Variants in SPAG9 observed in about 807,000 individuals in gnomAD.
SPAG9 encodes sperm associated antigen 9.
SPAG9 carries 35 observed loss-of-function variants against 166.5 expected under a neutral mutation model. The observed-to-expected ratio is 0.21, with a 90% CI of 0.16 to 0.28. SPAG9 has a LOEUF of 0.28. Among genes scored for constraint, SPAG9 ranks in the 10% least tolerant of loss-of-function variants. SPAG9 has a pLI of 1.00. For missense variants in SPAG9, 1,235 were observed against 1,603.3 expected, an observed-to-expected ratio of 0.77 and a Z score of 3.92; for synonymous variants, 534 against 565.5, an observed-to-expected ratio of 0.94 and a Z score of 0.79.
intron 9 of SPAG9, chr17:51,007,751 T>C (rs2045287268): frequency 4.9e-6 from 2 of 406,736 alleles, no homozygotes; most frequent in East Asian, 7.1e-5. Context: ...TCGTAGGCTT[T>C]TGCCTAAAAA....
At chr17:50,968,624 G>T (rs1380700022) in intron 29 of SPAG9, among the ~76,000 whole-genome samples, 1 of 152,040 alleles carries the variant, frequency 6.6e-6, no homozygotes, top group Non-Finnish European at 1.5e-5. Context: ...CCAGCTACTC[G>T]GGAGGCTGAG....
In SPAG9 at chr17:51,100,690, C is replaced by T. The variant is rs144935439; in HGVS notation, c.303+19664G>A. Among the ~76,000 whole-genome samples the T allele has an allele frequency of 2.6e-3, 392 of 152,148 alleles. 2 individuals carry two copies. Among genetic ancestry groups the T allele is most frequent in the African/African-American group, 9.2e-3 (380 of 41,526 alleles). ...AATCTGGTACTTTGGGACGCCAAGG[C>T]GGGAGGATCAACTGAGGTTGGGAGT... On this transcript the variant is annotated intron_variant, in intron 1 of 29. Coordinates refer to ENST00000262013, the MANE Select transcript of SPAG9 (RefSeq NM_001130528.3).
At chr17:51,047,906 T>C (rs1360420243) in intron 3 of SPAG9, among the ~76,000 whole-genome samples, 1 of 152,082 alleles carries the variant, frequency 6.6e-6, no homozygotes, top group African/African-American at 2.4e-5. Flanking sequence ...GAAGAAACCA[T>C]ATCCTTATGT....
rs753864280 is a variant in SPAG9, at chr17:50,987,153, A to G, written c.2898T>C (p.Ser966=). ...CAAGCCACATAGTTGGTAAAAGACT[A>G]CTCATTTTCTGGGCTTCTTCTCTCA... is the stretch of plus-strand genomic sequence containing the variant. The part of the protein sequence containing the change: ...DLVREEAQKM[S]SLLPTMWLGA... Residue 966 remains serine, a synonymous_variant, in exon 22 of 30, where the codon AGT becomes AGC. Transcript: ENST00000262013. The G allele has an allele frequency of 6.2e-7, 1 of 1,612,912 alleles. No individual in the cohort carries two copies. Among genetic ancestry groups the G allele is most frequent in the East Asian group, 2.2e-5 (1 of 44,708 alleles).
At chr17:51,087,919 A>G (rs1347159824) in intron 1 of SPAG9, among the ~76,000 whole-genome samples, 2 of 151,626 alleles carry the variant, frequency 1.3e-5, no homozygotes, top group Non-Finnish European at 2.9e-5. Flanking sequence ...TTTATTTCTT[A>G]TTTTTAGTAG....
chr17:51,042,556 G>T (rs1365774775), intron 4 of SPAG9: 7 of 152,144 alleles, frequency 4.6e-5, no homozygotes, highest in Non-Finnish European at 1.0e-4. Context: ...ACCTCTACTG[G>T]TAAGAATGTA....
chr17:51,061,446 C>G (rs1330731189), intron 2 of SPAG9, among the ~76,000 whole-genome samples: 3 of 151,798 alleles, frequency 2.0e-5, no homozygotes, highest in African/African-American at 7.3e-5. Flanking sequence ...AACCCCTCTA[C>G]TAATACTACA....
At chr17:51,050,922 C>G (rs552645737) in intron 3 of SPAG9, among the ~76,000 whole-genome samples, 7 of 129,426 alleles carry the variant, frequency 5.4e-5, no homozygotes, top group African/African-American at 2.1e-4. Context: ...CAGCAATAAA[C>G]AACTGAAGAG....
At chr17:50,985,652 C>A in intron 23 of SPAG9, 46 bp downstream of exon 23, 3 of 1,096,266 alleles carry the variant, frequency 2.7e-6, no homozygotes, top group East Asian at 2.5e-5. Flanking sequence ...TAGTTTATAC[C>A]AAAATGCATA....
chr17:51,105,870 AAAAAAGAG>A (rs1238627559), intron 1 of SPAG9, among the ~76,000 whole-genome samples: 4 of 151,926 alleles, frequency 2.6e-5, no homozygotes, highest in Admixed American at 2.0e-4. Flanking sequence ...CTGTCTCAAA[AAAAAAGAG>A]AAAAAGAAAA....
intron 6 of SPAG9, among the ~76,000 whole-genome samples, chr17:51,022,156 G>A (rs1460910676): frequency 6.6e-6 from 1 of 151,314 alleles, no homozygotes; most frequent in South Asian, 2.1e-4. Context: ...GGGAGAGGGG[G>A]CAGATTCCAG....
chr17:51,074,434 C>G (rs1276771241), intron 2 of SPAG9, among the ~76,000 whole-genome samples: 1 of 152,056 alleles, frequency 6.6e-6, no homozygotes, highest in African/African-American at 2.4e-5. Context: ...TAACTCAGTT[C>G]ATAGAAAAAA....
At position 51,005,240 on chromosome 17, in the gene SPAG9, G is replaced by C. The variant is rs770915392; in HGVS notation, c.1448C>G (p.Ala483Gly). ...ATCGTCATCTTTTGCTTTTTGCCTT[G>C]CATCTTCAGCTTCTGCCCGAGCTCT... is the stretch of plus-strand genomic sequence containing the variant. ...LRKARAEAED[A>G]RQKAKDDDDS... The change falls in exon 12 of 30, where the codon GCA (alanine) becomes GGA (glycine). Residue 483 changes from alanine (A) to glycine (G), a missense_variant. Physicochemically the swap from Ala to Gly is moderately conservative, Grantham distance 60. This residue lies in a region of SPAG9 where 125 missense variants were observed against 194.0 expected (regional missense o/e 0.64). Coordinates refer to ENST00000262013, the MANE Select transcript of SPAG9 (RefSeq NM_001130528.3). The C allele has an allele frequency of 3.1e-6, 5 of 1,613,818 alleles. No individual in the cohort carries two copies. Among genetic ancestry groups the C allele is most frequent in the Non-Finnish European group, 4.2e-6 (5 of 1,179,844 alleles).
chr17:51,101,442 C>T (rs2048805633), intron 1 of SPAG9, among the ~76,000 whole-genome samples: 1 of 150,874 alleles, frequency 6.6e-6, no homozygotes, highest in African/African-American at 2.4e-5. Context: ...GTTTTGCCAT[C>T]ATCTGATGCC....
chr17:51,108,084 G>GAAA (rs775993771), intron 1 of SPAG9, among the ~76,000 whole-genome samples: 3 of 121,290 alleles, frequency 2.5e-5, no homozygotes, highest in Non-Finnish European at 1.8e-5. Context: ...CATGATTTAA[G>GAAA]AAAAAAAAAA....
chr17:51,016,012 A>G (rs571298663), intron 8 of SPAG9, among the ~76,000 whole-genome samples: 2 of 152,258 alleles, frequency 1.3e-5, no homozygotes, highest in African/African-American at 4.8e-5. Context: ...GAAAGTGACA[A>G]TCTTAAAAGA....
At position 51,021,250 on chromosome 17, in the gene SPAG9, C is replaced by T. The variant is rs369913984; in HGVS notation, c.899G>A (p.Gly300Glu). Residue 300 changes from glycine (G) to glutamate (E), a missense_variant, in exon 7 of 30, where the codon GGA becomes GAA. By Grantham distance (98) the Gly-to-Glu change is moderately conservative. This residue lies in a region of SPAG9 where 288 missense variants were observed against 323.7 expected (regional missense o/e 0.89). Transcript: ENST00000262013. ...TDTPLKEENE[G>E]FVKVTDAPNK... ...TGGCGCATCTGTAACCTTCACAAAT[C>T]CTTCGTTTTCTTCCTTTAAGGGAGT... The T allele has an allele frequency of 9.9e-6, 16 of 1,614,112 alleles. No homozygotes were observed. The highest frequency in any genetic ancestry group is 1.4e-5 in the Non-Finnish European group (16 of 1,180,002).
chr17:51,075,547 G>A (rs145283803), intron 2 of SPAG9, among the ~76,000 whole-genome samples: 156 of 152,248 alleles, frequency 1.0e-3, no homozygotes, highest in African/African-American at 3.7e-3. Flanking sequence ...AATTCTGGTC[G>A]AGCGCAGTGG....
At chr17:51,000,889 C>T (rs2044917115) in intron 13 of SPAG9, among the ~76,000 whole-genome samples, 1 of 152,046 alleles carries the variant, frequency 6.6e-6, no homozygotes, top group African/African-American at 2.4e-5. Context: ...GGTTAGTTTC[C>T]TTGTCTAATA....
Sources: gnomAD v4.1 joint callset for allele counts (sites outside exome capture counted in the v4.1 genomes callset) on GRCh38, gnomAD v4.1.1 for gene constraint, gnomAD v4.1.1 regional missense constraint, MANE v1.5 for transcripts, NCBI Gene and HGNC (gene_info 2026-07-23, HGNC 2026-07-21) for gene names.